The following BABAM2 variants were observed in gnomAD, a reference collection of about 807,000 sequenced individuals.
BABAM2 encodes the protein BRISC and BRCA1 A complex member 2.
Under a neutral mutation model 54.7 loss-of-function variants are expected in BABAM2, and 31 were observed. The ratio of observed to expected loss-of-function variants is 0.57; its 90% CI spans 0.43 to 0.77. BABAM2 has a LOEUF of 0.77. BABAM2 is among the 30% of genes least tolerant of loss of function. The probability of loss-of-function intolerance (pLI) is 0.00; values close to 1 mark genes in which losing one functional copy is unlikely to be tolerated. For missense variants in BABAM2, 364 were observed against 455.8 expected, an observed-to-expected ratio of 0.80 and a Z score of 1.83; for synonymous variants, 167 against 162.9, an observed-to-expected ratio of 1.03 and a Z score of -0.19.
chr2:27,953,242 A>G (rs7587180), intron 3 of BABAM2, among the ~76,000 whole-genome samples: 111,878 of 151,980 alleles, frequency 0.74, 42,249 homozygotes, highest in Middle Eastern at 0.88. Flanking sequence ...GTGCAGTGTT[A>G]CAATCATGGC....
intron 7 of BABAM2, among the ~76,000 whole-genome samples, chr2:28,227,735 G>C (rs896727364): frequency 6.6e-6 from 1 of 152,108 alleles, no homozygotes; most frequent in Non-Finnish European, 1.5e-5. Context: ...AGCCCTGGCC[G>C]TGCATCATTG....
chr2:28,014,055 A>C (rs779129278), intron 4 of BABAM2, among the ~76,000 whole-genome samples: 3 of 152,282 alleles, frequency 2.0e-5, no homozygotes, highest in Non-Finnish European at 4.4e-5. Context: ...ACAAAGGGAC[A>C]TACTTTTCTT....
At chr2:28,249,687 C>T (rs112652717) in intron 10 of BABAM2, among the ~76,000 whole-genome samples, 1 of 152,104 alleles carries the variant, frequency 6.6e-6, no homozygotes, top group Non-Finnish European at 1.5e-5. Context: ...TCTCTCCAGA[C>T]TGGAGTGCAG....
chr2:28,209,883 A>G (rs768997552), intron 7 of BABAM2, among the ~76,000 whole-genome samples: 1 of 152,194 alleles, frequency 6.6e-6, no homozygotes, highest in Non-Finnish European at 1.5e-5. Flanking sequence ...CTTAAACTCT[A>G]AGGTTAGATA....
At chr2:28,071,269 T>G (rs1187086663) in intron 6 of BABAM2, among the ~76,000 whole-genome samples, 4 of 152,188 alleles carry the variant, frequency 2.6e-5, no homozygotes, top group Non-Finnish European at 5.9e-5. Context: ...AGATTCCTCC[T>G]CTATTCCTTT....
intron 6 of BABAM2, among the ~76,000 whole-genome samples, chr2:28,062,858 T>A (rs1679013335): frequency 6.6e-6 from 1 of 152,204 alleles, no homozygotes; most frequent in Admixed American, 6.5e-5. Flanking sequence ...GTGTTATGAC[T>A]TACAGCCACT....
chr2:27,951,531 C>T (rs572777922), intron 3 of BABAM2, among the ~76,000 whole-genome samples: 2 of 151,852 alleles, frequency 1.3e-5, no homozygotes, highest in East Asian at 3.9e-4. Flanking sequence ...GTTTTATGGC[C>T]CAGGATATAG....
chr2:28,293,868 A>T (rs1046405732), intron 10 of BABAM2, among the ~76,000 whole-genome samples: 4 of 152,178 alleles, frequency 2.6e-5, no homozygotes, highest in Non-Finnish European at 2.9e-5. Flanking sequence ...ATAAAAAATT[A>T]AAAATTTAAA....
At chr2:28,248,500 C>A (rs187508819) in intron 10 of BABAM2, among the ~76,000 whole-genome samples, 1 of 152,014 alleles carries the variant, frequency 6.6e-6, no homozygotes, top group African/African-American at 2.4e-5. Flanking sequence ...TGAGCCACCG[C>A]GCCTGGTCCA....
intron 7 of BABAM2, among the ~76,000 whole-genome samples, chr2:28,189,156 G>T (rs1222258578): frequency 6.6e-6 from 1 of 150,586 alleles, no homozygotes; most frequent in Non-Finnish European, 1.5e-5. Context: ...AGTCAAAATT[G>T]TCCCACTGCA....
chr2:27,942,219 T>G (rs1668942471), intron 3 of BABAM2, among the ~76,000 whole-genome samples: 1 of 152,240 alleles, frequency 6.6e-6, no homozygotes, highest in Non-Finnish European at 1.5e-5. Flanking sequence ...ATAACCAAAC[T>G]GATGGCGCCT....
chr2:28,248,136 T>C (rs762280172), intron 10 of BABAM2, among the ~76,000 whole-genome samples: 1 of 152,062 alleles, frequency 6.6e-6, no homozygotes, highest in Non-Finnish European at 1.5e-5. Flanking sequence ...AATTCCATAT[T>C]TGCCAAATTA....
At chr2:28,275,877 T>A (rs1162271724) in intron 10 of BABAM2, among the ~76,000 whole-genome samples, 1 of 151,954 alleles carries the variant, frequency 6.6e-6, no homozygotes, top group Non-Finnish European at 1.5e-5. Flanking sequence ...TTAGAAATAG[T>A]TTTCAAAGAA....
Position 27,896,251 on chromosome 2 carries a change from A to C in BABAM2, c.128+1567A>C, listed in dbSNP as rs1045780605. The C allele has an allele frequency of 2.0e-5, 3 of 153,476 alleles. No individual in the cohort carries two copies. The Admixed American group carries it at 2.0e-4, about 10-fold the overall frequency. The allele number at this position is 153,476 out of a possible 1,614,324, so 9.5% of individuals were successfully genotyped here. A position where few individuals can be genotyped will look rare whatever the true frequency, so the allele number is the denominator to read the frequency against. On this transcript the variant is annotated intron_variant, in intron 2 of 11. Coordinates refer to ENST00000379624, the MANE Select transcript of BABAM2 (RefSeq NM_199191.3). ...TGGTACAGGGCGTCCTGAAGAAGCCACCGTGGCTTGAGCAGGGGCAGCTAG... is the reference window on the plus strand; with the variant it reads ...TGGTACAGGGCGTCCTGAAGAAGCCCCCGTGGCTTGAGCAGGGGCAGCTAG...
chr2:28,249,997 T>C (rs757298013), intron 10 of BABAM2, among the ~76,000 whole-genome samples: 10 of 152,116 alleles, frequency 6.6e-5, no homozygotes, highest in Non-Finnish European at 1.0e-4. Context: ...TTAACAAATA[T>C]ATACATTCAA....
intron 4 of BABAM2, among the ~76,000 whole-genome samples, chr2:28,019,599 T>C (rs902930908): frequency 6.6e-6 from 1 of 152,238 alleles, no homozygotes. Context: ...TTTTCCTATG[T>C]TATCTTATAG....
At chr2:28,036,898 A>C (rs191299602) in intron 5 of BABAM2, among the ~76,000 whole-genome samples, 42 of 152,298 alleles carry the variant, frequency 2.8e-4, no homozygotes, top group Admixed American at 6.5e-4. Context: ...TCTAGTCAAA[A>C]TAGACTTTAA....
chr2:28,250,088 AAGATGCTGTGAGG>A (rs1314177330), intron 10 of BABAM2, among the ~76,000 whole-genome samples: 1 of 152,188 alleles, frequency 6.6e-6, no homozygotes, highest in Non-Finnish European at 1.5e-5. Flanking sequence ...GAAGATGAGG[AAGATGCTGTGAGG>A]AGATGCTGTG....
At chr2:28,326,048 G>A (rs1052076904) in intron 11 of BABAM2, among the ~76,000 whole-genome samples, 1 of 152,210 alleles carries the variant, frequency 6.6e-6, no homozygotes, top group African/African-American at 2.4e-5. Flanking sequence ...TGTTCCAGCT[G>A]GGGTGTGACT....
Sources: allele counts gnomAD v4.1 joint callset (sites outside exome capture counted in the v4.1 genomes callset), GRCh38; gene constraint gnomAD v4.1.1; transcripts MANE v1.5; gene names NCBI Gene and HGNC (gene_info 2026-07-23, HGNC 2026-07-21).